DIP2A: variants seen among roughly 807,000 people sequenced by gnomAD.
DIP2A encodes DIP2 acetate--CoA ligase A, also known as disco-interacting protein 2 homolog A.
In DIP2A, 85 loss-of-function variants were observed where a neutral mutation model predicts 177.4. The ratio of observed to expected loss-of-function variants is 0.48; its 90% confidence interval spans 0.40 to 0.57. DIP2A has a LOEUF of 0.57. DIP2A is among the 20% of genes least tolerant of loss of function. DIP2A has a pLI of 0.00. For synonymous variants in DIP2A, 886 were observed against 881.8 expected, an observed-to-expected ratio of 1.00 and a Z score of -0.08; for missense variants, 1,791 against 2,100.2, an observed-to-expected ratio of 0.85 and a Z score of 2.88.
intron 3 of DIP2A, among the ~76,000 whole-genome samples, chr21:46,495,244 T>TTCTCTTCTCTTCTTTCTC (rs2057275285): frequency 1.3e-4 from 5 of 38,194 alleles, no homozygotes; most frequent in African/African-American, 3.5e-4. Flanking sequence ...CTTCTCTTCT[T>TTCTCTTCTCTTCTTTCTC]TCTCTCTCTC....
chr21:46,483,639 C>T (rs980833486), intron 1 of DIP2A, among the ~76,000 whole-genome samples: 7 of 152,238 alleles, frequency 4.6e-5, no homozygotes, highest in Non-Finnish European at 8.8e-5. Context: ...ACTTAGATGT[C>T]AGATATTCAA....
At chr21:46,540,637 T>C (rs1213751613) in intron 17 of DIP2A, among the ~76,000 whole-genome samples, 3 of 152,182 alleles carry the variant, frequency 2.0e-5, no homozygotes, top group Non-Finnish European at 2.9e-5. Context: ...TGTCTTAGCC[T>C]CAATTGTAAT....
At chr21:46,527,692 G>T (rs952091758) in intron 8 of DIP2A, among the ~76,000 whole-genome samples, 2 of 151,792 alleles carry the variant, frequency 1.3e-5, no homozygotes, top group Non-Finnish European at 2.9e-5. Context: ...TGTTGCACCT[G>T]AGCTTCATAT....
chr21:46,535,622 G>A (rs1769381410), intron 13 of DIP2A, among the ~76,000 whole-genome samples: 2 of 152,182 alleles, frequency 1.3e-5, no homozygotes, highest in Admixed American at 1.3e-4. Context: ...TTAAAAGCAA[G>A]GGTATAAGTT....
chr21:46,463,680 T>TTG (rs5844275), intron 1 of DIP2A, among the ~76,000 whole-genome samples: 28,184 of 130,778 alleles, frequency 0.22, 2,915 homozygotes, highest in East Asian at 0.29. Flanking sequence ...TGGGATATAT[T>TTG]TGTGTGTGTG....
chr21:46,483,707 AC>A (rs2056505010), intron 1 of DIP2A, among the ~76,000 whole-genome samples: 1 of 152,198 alleles, frequency 6.6e-6, no homozygotes, highest in African/African-American at 2.4e-5. Flanking sequence ...TAAAGGAAAT[AC>A]TCAATTATGT....
At chr21:46,470,485 A>AG (rs1555867692) in intron 1 of DIP2A, among the ~76,000 whole-genome samples, 1,808 of 149,408 alleles carry the variant, frequency 0.012, 36 homozygotes, top group African/African-American at 0.042. Context: ...AAAAAAAAAA[A>AG]GGGGGGGCCA....
At chr21:46,506,230 G>A (rs1038522109) in intron 6 of DIP2A, among the ~76,000 whole-genome samples, 5 of 151,900 alleles carry the variant, frequency 3.3e-5, no homozygotes, top group African/African-American at 1.2e-4. Flanking sequence ...CGATTCTCCT[G>A]CCTCACCCTC....
In DIP2A at chr21:46,563,904, G is replaced by A. The variant is rs1366288811; in HGVS notation, c.4136G>A (p.Gly1379Glu). The part of the protein sequence containing the change: ...KVIIAHTETK[G>E]PLGDSHLGEI... ...ATCATCGCACACACCGAGACCAAAG[G>A]ACCCTTGGGAGACTCACACCTGGGA... The change falls in exon 35 of 38, where the codon GGA (glycine) becomes GAA (glutamate). Residue 1379 changes from glycine (G) to glutamate (E), a missense_variant. By Grantham distance (98) the Gly-to-Glu change is moderately conservative. Coordinates refer to ENST00000417564, the MANE Select transcript of DIP2A (RefSeq NM_015151.4). The surrounding 1 kb of genome is among the most constrained non-coding windows in gnomAD (Gnocchi z 4.3). 8 of 1,613,416 alleles carry A rather than the reference G, an allele frequency of 5.0e-6. No individual in the cohort carries two copies. Among genetic ancestry groups the A allele is most frequent in the Non-Finnish European group, 6.8e-6 (8 of 1,179,840 alleles).
Position 46,557,843 on chromosome 21 carries a change from C to T in DIP2A, c.3798+90C>T, listed in dbSNP as rs778112725. 6.2e-6 allele frequency: 9 copies of T among 1,447,500 alleles called. No individual in the cohort carries two copies. The highest frequency in any genetic ancestry group is 8.4e-6 in the Non-Finnish European group (9 of 1,074,930). The allele number at this position is 1,447,500 out of a possible 1,614,324, so 89.7% of individuals were successfully genotyped here. On this transcript the variant is annotated intron_variant, in intron 31 of 37. Coordinates refer to ENST00000417564, the MANE Select transcript of DIP2A (RefSeq NM_015151.4). The surrounding 1 kb of genome is among the most constrained non-coding windows in gnomAD (Gnocchi z 6.0). ...ACAAAACAAAACAAGACTCCCAAGG[C>T]CCCTCCCTGCAGTTGGAGGAAGTAG...
chr21:46,481,189 C>T (rs11089069), intron 1 of DIP2A, among the ~76,000 whole-genome samples: 1 of 151,978 alleles, frequency 6.6e-6, no homozygotes, highest in Non-Finnish European at 1.5e-5. Flanking sequence ...TTATCTTTTC[C>T]GAAATGTCAT....
At chr21:46,573,645 C>CAAAAAAAAAAA (rs201994694), downstream of DIP2A, among the ~76,000 whole-genome samples, 41 of 52,970 alleles carry the variant, frequency 7.7e-4, 2 homozygotes, top group South Asian at 2.2e-3. Flanking sequence ...CCCTCTCTCA[C>CAAAAAAAAAAA]AAAAAAAAAA....
Position 46,566,546 on chromosome 21 carries a change from C to T in DIP2A, c.4340-14C>T, listed in dbSNP as rs774528726. On this transcript the variant is annotated splice_polypyrimidine_tract_variant and intron_variant, in intron 36 of 37. Transcript: ENST00000417564. The stretch of plus-strand genomic sequence containing the variant: ...TTGGCTTTCTGGGCACGTGTAAACA[C>T]ACACTGTTCACAGGGCGGCACGATG... 1.2e-6 allele frequency: 2 copies of T among 1,614,002 alleles called. No individual in the cohort carries two copies.
At chr21:46,486,288 T>C (rs1327056103) in intron 2 of DIP2A, among the ~76,000 whole-genome samples, 1 of 152,142 alleles carries the variant, frequency 6.6e-6, no homozygotes, top group Admixed American at 6.5e-5. Context: ...CACTGCAGTC[T>C]CAAACTCCTG....
intron 33 of DIP2A, chr21:46,561,526 C>T (rs2060661433): frequency 3.1e-6 from 2 of 649,396 alleles, no homozygotes; most frequent in Non-Finnish European, 5.6e-6. Context: ...CTGCTGTGAG[C>T]ACATGGGGTG....
At chr21:46,554,004 A>G in intron 25 of DIP2A, 165 bp from the exon 26 acceptor site, 1 of 953,580 alleles carries the variant, frequency 1.0e-6, no homozygotes, top group South Asian at 1.9e-5. Flanking sequence ...TCTCTACCAA[A>G]AAAAAGACAC....
chr21:46,533,622 G>A lies in DIP2A; in HGVS notation c.1404G>A (p.Gln468=). The A allele has an allele frequency of 1.2e-6, 2 of 1,614,058 alleles. No individual in the cohort carries two copies. Among genetic ancestry groups the A allele is most frequent in the East Asian group, 2.2e-5 (1 of 44,884 alleles). The change falls in exon 11 of 38, where the codon CAG becomes CAA. Residue 468 remains glutamine (Q), a synonymous_variant. Coordinates refer to ENST00000417564, the MANE Select transcript of DIP2A (RefSeq NM_015151.4). ...GTCAGAAAGGCCTCCCCAAGGCACA[G>A]ACAGGAGAGGTGGCAGCTTTCAAAG... ...DACQKGLPKA[Q]TGEVAAFKGW... is the part of the protein sequence containing the mutation.
intron 8 of DIP2A, among the ~76,000 whole-genome samples, chr21:46,512,077 C>T (rs1035183602): frequency 3.9e-5 from 6 of 152,264 alleles, no homozygotes; most frequent in Non-Finnish European, 7.4e-5. Flanking sequence ...CCCTTCCACA[C>T]GCAAAGGGTA....
At chr21:46,519,885 T>C in intron 8 of DIP2A, among the ~76,000 whole-genome samples, 1 of 92,342 alleles carries the variant, frequency 1.1e-5, no homozygotes, top group Non-Finnish European at 2.1e-5. Flanking sequence ...TTTTTTTTTT[T>C]TTTTTTTGAG....
Sources: allele counts gnomAD v4.1 joint callset (sites outside exome capture counted in the v4.1 genomes callset), GRCh38; gene constraint gnomAD v4.1.1; non-coding constraint Gnocchi (gnomAD v3.1); transcripts MANE v1.5; gene names NCBI Gene and HGNC (gene_info 2026-07-23, HGNC 2026-07-21).